The following SORCS1 variants were observed in gnomAD, a reference collection of about 807,000 sequenced individuals.
The protein encoded by SORCS1 is sortilin related VPS10 domain containing receptor 1, also known as VPS10 domain-containing receptor SorCS1.
In SORCS1, 60 loss-of-function variants were observed where a neutral mutation model predicts 146.1. The observed-to-expected ratio is 0.41, with a 90% CI of 0.33 to 0.51. The LOEUF (loss-of-function observed/expected upper bound fraction) is 0.51, where lower values mean the gene tolerates loss of function less well. Among genes scored for constraint, SORCS1 ranks in the 20% least tolerant of loss-of-function variants. The probability of loss-of-function intolerance (pLI) is 0.21; values close to 1 mark genes in which losing one functional copy is unlikely to be tolerated. For missense variants in SORCS1, 1,352 were observed against 1,487.6 expected (o/e 0.91, Z 1.50); for synonymous variants, 637 against 584.0 (o/e 1.09, Z -1.31).
At chr10:106,674,539 A>C (rs992967314) in intron 14 of SORCS1, among the ~76,000 whole-genome samples, 10 of 152,074 alleles carry the variant, frequency 6.6e-5, no homozygotes, top group African/African-American at 2.4e-4. Flanking sequence ...TGAAACCCAT[A>C]GGCAGCGTCA....
rs375270523 is a variant in SORCS1, at chr10:106,963,678, G to T, written c.559-7098C>A. 9.2e-5 allele frequency among the ~76,000 whole-genome samples: 14 copies of T among 151,470 alleles called. 1 individual carries two copies. In the East Asian group the frequency reaches 2.5e-3, roughly 27 times the overall value. ...ACTCATCTCTTGAATCCTGGGGGGG[G>T]GCCATACATCCAAGAATAAGAACTT... is the stretch of plus-strand genomic sequence containing the variant. On this transcript the variant is annotated intron_variant, in intron 1 of 25. Coordinates refer to ENST00000263054, the MANE Select transcript of SORCS1 (RefSeq NM_052918.5).
chr10:106,646,933 T>C (rs1361922852), intron 18 of SORCS1, among the ~76,000 whole-genome samples: 2 of 149,872 alleles, frequency 1.3e-5, no homozygotes, highest in African/African-American at 2.4e-5. Context: ...TGTATATATG[T>C]TTCTTGACTC....
intron 1 of SORCS1, among the ~76,000 whole-genome samples, chr10:106,965,103 C>T (rs1297012527): frequency 5.9e-5 from 9 of 152,004 alleles, no homozygotes; most frequent in African/African-American, 1.7e-4. Context: ...GCAATGTCCA[C>T]GTGTCCCCTC....
intron 2 of SORCS1, among the ~76,000 whole-genome samples, chr10:106,876,091 G>A (rs1318105986): frequency 6.6e-6 from 1 of 151,394 alleles, no homozygotes; most frequent in Non-Finnish European, 1.5e-5. Context: ...TTCAATTTAA[G>A]CTCTTCTTCA....
At chr10:106,667,912 CAAAAATAAAAACA>C (rs1433790100) in intron 16 of SORCS1, 110 bp from the exon 17 acceptor site, 2 of 494,282 alleles carry the variant, frequency 4.0e-6, no homozygotes, top group Non-Finnish European at 6.6e-6. Context: ...TCATAACAAA[CAAAAATAAAAACA>C]AAAAAAAAAA....
intron 1 of SORCS1, among the ~76,000 whole-genome samples, chr10:107,038,401 G>T (rs1009053078): frequency 2.9e-5 from 4 of 139,530 alleles, no homozygotes; most frequent in East Asian, 2.4e-4. Context: ...TGGGGTGGGT[G>T]GGGGGGGAGA....
rs968993113 is a variant in SORCS1 at position 106,683,878 on chromosome 10, C to G, written c.1561-4144G>C. Among the ~76,000 whole-genome samples, 24 of 152,190 alleles carry G rather than the reference C, an allele frequency of 1.6e-4. 1 individual carries two copies. The highest frequency in any genetic ancestry group is 1.5e-3 in the Admixed American group (23 of 15,282). On this transcript the variant is annotated intron_variant, in intron 10 of 25. Coordinates refer to ENST00000263054, the MANE Select transcript of SORCS1 (RefSeq NM_052918.5). ...GAGTCAACGGCAAAGAGGAAGGAGG[C>G]CCCTGGAACAACTGGCTGGGTATGG...
At chr10:106,662,997 C>A (rs528455936) in intron 17 of SORCS1, among the ~76,000 whole-genome samples, 1 of 152,226 alleles carries the variant, frequency 6.6e-6, no homozygotes, top group East Asian at 1.9e-4. Flanking sequence ...GTGGAATTTG[C>A]ATTATGAGCT....
intron 1 of SORCS1, among the ~76,000 whole-genome samples, chr10:106,987,396 A>G (rs1470131478): frequency 6.6e-6 from 1 of 152,184 alleles, no homozygotes; most frequent in Non-Finnish European, 1.5e-5. Context: ...CCTGCTCCTT[A>G]GAATTCAGGA....
chr10:107,097,692 C>A (rs1456966478), intron 1 of SORCS1, among the ~76,000 whole-genome samples: 1 of 152,190 alleles, frequency 6.6e-6, no homozygotes, highest in South Asian at 2.1e-4. Flanking sequence ...GGCTCCCTCT[C>A]GATTCTGGTC....
chr10:106,653,083 AGTCT>A (rs1850001506), intron 17 of SORCS1, among the ~76,000 whole-genome samples: 1 of 152,236 alleles, frequency 6.6e-6, no homozygotes, highest in African/African-American at 2.4e-5. Context: ...ATTTCTACTC[AGTCT>A]TTCATGAGAG....
At chr10:107,071,346 C>G (rs1246656391) in intron 1 of SORCS1, among the ~76,000 whole-genome samples, 1 of 152,072 alleles carries the variant, frequency 6.6e-6, no homozygotes, top group East Asian at 1.9e-4. Context: ...GGCCAGGGCT[C>G]CACTGAAAAC....
At position 106,623,759 on chromosome 10, in the gene SORCS1, G is replaced by A. The variant is rs141483408; in HGVS notation, c.2663-3198C>T. On this transcript the variant is annotated intron_variant, in intron 19 of 25. Transcript: ENST00000263054. ...CAGCTCACTGCAACCTCCACCTCTC[G>A]GGTTCAAGCAGTTCTCCTGCCCCAG... Among the ~76,000 whole-genome samples, 685 of 152,200 alleles carry A rather than the reference G, an allele frequency of 4.5e-3. 7 individuals are homozygous for A. The highest frequency in any genetic ancestry group is 0.015 in the African/African-American group (640 of 41,552).
At chr10:106,671,118 A>C in intron 16 of SORCS1, 119 bp downstream of exon 16, 1 of 1,359,644 alleles carries the variant, frequency 7.4e-7, no homozygotes, top group Non-Finnish European at 1.0e-6. Flanking sequence ...TTTTATAAGA[A>C]TATGAAGCTG....
chr10:106,605,354 A>G (rs1846502844), intron 23 of SORCS1, among the ~76,000 whole-genome samples: 1 of 152,256 alleles, frequency 6.6e-6, no homozygotes, highest in South Asian at 2.1e-4. Context: ...ATAATGATGT[A>G]GAAAATACAA....
intron 1 of SORCS1, among the ~76,000 whole-genome samples, chr10:106,959,231 T>C (rs1047897248): frequency 1.3e-5 from 2 of 152,176 alleles, no homozygotes; most frequent in African/African-American, 4.8e-5. Flanking sequence ...ATGCCAGTGA[T>C]ACACTCAGGC....
chr10:107,079,082 C>T lies in SORCS1; in HGVS notation c.558+84887G>A, dbSNP rs137920309. Among the ~76,000 whole-genome samples, 892 of 152,174 alleles carry T rather than the reference C, an allele frequency of 5.9e-3. 6 individuals are homozygous for T. The highest frequency in any genetic ancestry group is 0.02 in the African/African-American group (843 of 41,524). On this transcript the variant is annotated intron_variant, in intron 1 of 25. Transcript: ENST00000263054. The stretch of plus-strand genomic sequence containing the variant: ...CTACTAAAAATACAAAAAAATTAGC[C>T]GGGCACAGTGGTGGGTGCCTGTAGT...
chr10:106,815,886 G>C (rs1589458867), intron 3 of SORCS1, among the ~76,000 whole-genome samples: 1 of 152,226 alleles, frequency 6.6e-6, no homozygotes, highest in Non-Finnish European at 1.5e-5. Flanking sequence ...ACTTCTACAA[G>C]AAGAGGCCAG....
intron 1 of SORCS1, among the ~76,000 whole-genome samples, chr10:107,142,416 C>T (rs902842780): frequency 1.3e-5 from 2 of 152,170 alleles, no homozygotes; most frequent in East Asian, 1.9e-4. Flanking sequence ...AAATCCTCTT[C>T]GTTAAATGAC....
Sources: allele counts gnomAD v4.1 joint callset (sites outside exome capture counted in the v4.1 genomes callset), GRCh38; gene constraint gnomAD v4.1.1; transcripts MANE v1.5; gene names NCBI Gene and HGNC (gene_info 2026-07-23, HGNC 2026-07-21).